The following DNM3 variants were observed in gnomAD, a reference collection of about 807,000 sequenced individuals.
DNM3 encodes dynamin-3.
In DNM3, 47 loss-of-function variants were observed where a neutral mutation model predicts 101.6. That is an observed-to-expected ratio of 0.46 (90% CI 0.37 to 0.59). The LOEUF is 0.59. Among genes scored for constraint, DNM3 ranks in the 20% least tolerant of loss-of-function variants. The pLI, the probability that DNM3 is intolerant of heterozygous loss-of-function variation, is 0.00. For synonymous variants in DNM3, 385 were observed against 387.9 expected, an observed-to-expected ratio of 0.99 and a Z score of 0.09; for missense variants, 849 against 1,085.7, an observed-to-expected ratio of 0.78 and a Z score of 3.06.
At chr1:172,396,507 GACTA>G (rs1204270767) in intron 20 of DNM3, among the ~76,000 whole-genome samples, 2 of 152,134 alleles carry the variant, frequency 1.3e-5, no homozygotes, top group Non-Finnish European at 2.9e-5. Flanking sequence ...AGGGCTAATG[GACTA>G]ACTAAGAGAG....
At chr1:171,871,161 G>A (rs1306793153) in intron 1 of DNM3, among the ~76,000 whole-genome samples, 3 of 152,088 alleles carry the variant, frequency 2.0e-5, no homozygotes, top group Admixed American at 6.5e-5. Flanking sequence ...ACATGTTGTC[G>A]AGAAATAAGT....
chr1:172,227,632 G>A lies in DNM3; in HGVS notation c.1660-25941G>A, dbSNP rs140988677. On this transcript the variant is annotated intron_variant, in intron 14 of 20. Transcript: ENST00000627582. Reference sequence around the variant, plus strand: ...TTTAATAATGGCCATTCTGGCTGGGGTAAGGTGGTATCTCATTGTGGTTTT... The same window carrying A: ...TTTAATAATGGCCATTCTGGCTGGGATAAGGTGGTATCTCATTGTGGTTTT... Among the ~76,000 whole-genome samples, 450 of 152,210 alleles carry A rather than the reference G, an allele frequency of 3.0e-3. 2 individuals carry two copies. Among genetic ancestry groups the A allele is most frequent in the African/African-American group, 0.01 (420 of 41,546 alleles).
chr1:172,037,597 G>A (rs2049063305), intron 6 of DNM3, among the ~76,000 whole-genome samples: 2 of 151,980 alleles, frequency 1.3e-5, no homozygotes. Context: ...AAACAATCTG[G>A]GTTTTTATCT....
At chr1:172,089,228 T>A (rs1005345441) in intron 12 of DNM3, among the ~76,000 whole-genome samples, 9 of 152,256 alleles carry the variant, frequency 5.9e-5, no homozygotes, top group African/African-American at 1.9e-4. Flanking sequence ...TGCATATCAT[T>A]ACTTGTACCA....
At chr1:172,272,243 GA>G (rs1273692579) in intron 15 of DNM3, among the ~76,000 whole-genome samples, 1 of 151,882 alleles carries the variant, frequency 6.6e-6, no homozygotes, top group Non-Finnish European at 1.5e-5. Context: ...TTAATCTCTA[GA>G]AAATATTCAC....
In DNM3 at chr1:171,942,998, G is replaced by A. The variant is rs577775256; in HGVS notation, c.235+21177G>A. Among the ~76,000 whole-genome samples, 200 of 152,242 alleles carry A rather than the reference G, an allele frequency of 1.3e-3. 2 individuals are homozygous for A. Among genetic ancestry groups the A allele is most frequent in the African/African-American group, 4.4e-3 (181 of 41,544 alleles). ...GAGGTGGCATGCATCTGTAGTCCCA[G>A]CTGCTCAGGAGGCTGAGGTCAGGGG... On this transcript the variant is annotated intron_variant, in intron 2 of 20. Transcript: ENST00000627582.
intron 1 of DNM3, among the ~76,000 whole-genome samples, chr1:171,863,290 A>T (rs1185475753): frequency 6.6e-6 from 1 of 152,038 alleles, no homozygotes; most frequent in Admixed American, 6.6e-5. Flanking sequence ...TATCCACTGT[A>T]ACTGAAAGGT....
chr1:172,379,506 G>A (rs1573666159), intron 18 of DNM3, among the ~76,000 whole-genome samples: 1 of 152,140 alleles, frequency 6.6e-6, no homozygotes. Context: ...AAAGAAACCA[G>A]ATGCCCTGGC....
intron 6 of DNM3, among the ~76,000 whole-genome samples, chr1:172,037,649 A>G (rs544467737): frequency 1.3e-3 from 194 of 152,246 alleles, no homozygotes; most frequent in Middle Eastern, 3.4e-3. Context: ...AGGTTCTTGG[A>G]AAAGTTTTCA....
chr1:172,041,556 T>C (rs1019348698), intron 7 of DNM3, among the ~76,000 whole-genome samples: 1 of 152,140 alleles, frequency 6.6e-6, no homozygotes, highest in African/African-American at 2.4e-5. Flanking sequence ...CTTGAAGCTA[T>C]GGCAACCTTG....
chr1:172,086,359 T>C (rs78795075), intron 12 of DNM3, among the ~76,000 whole-genome samples: 1,879 of 152,296 alleles, frequency 0.012, 34 homozygotes, highest in East Asian at 0.055. Flanking sequence ...GTTACACTCT[T>C]GGGACTCTTG....
intron 4 of DNM3, among the ~76,000 whole-genome samples, chr1:171,990,274 C>T (rs1025104753): frequency 2.9e-4 from 44 of 151,984 alleles, no homozygotes; most frequent in African/African-American, 6.5e-4. Context: ...GATCTTTTGC[C>T]GCTTGTTCGT....
At chr1:171,892,352 A>G (rs185459552) in intron 1 of DNM3, among the ~76,000 whole-genome samples, 55 of 152,284 alleles carry the variant, frequency 3.6e-4, no homozygotes, top group Admixed American at 7.2e-4. Context: ...AGGTGTACTC[A>G]TTGTTATTGG....
At chr1:171,846,903 T>C (rs1440396800) in intron 1 of DNM3, among the ~76,000 whole-genome samples, 1 of 152,240 alleles carries the variant, frequency 6.6e-6, no homozygotes, top group Non-Finnish European at 1.5e-5. Context: ...TAGATACTTT[T>C]CATACCTTCT....
chr1:172,241,104 G>A (rs1285811499), intron 14 of DNM3, among the ~76,000 whole-genome samples: 2 of 151,438 alleles, frequency 1.3e-5, no homozygotes, highest in African/African-American at 2.4e-5. Flanking sequence ...TTTTTTTTCT[G>A]TTCTACTATT....
At chr1:171,879,301 G>T (rs559973654) in intron 1 of DNM3, among the ~76,000 whole-genome samples, 16 of 152,268 alleles carry the variant, frequency 1.1e-4, no homozygotes, top group African/African-American at 3.9e-4. Flanking sequence ...AATGTATTGA[G>T]TAGCTATGTT....
intron 1 of DNM3, among the ~76,000 whole-genome samples, chr1:171,915,262 G>T (rs2039622127): frequency 6.6e-6 from 1 of 152,212 alleles, no homozygotes. Flanking sequence ...TCATGCTAAA[G>T]ATCCTGGGGA....
chr1:171,940,841 A>G (rs2041763625), intron 2 of DNM3, among the ~76,000 whole-genome samples: 1 of 152,108 alleles, frequency 6.6e-6, no homozygotes, highest in Non-Finnish European at 1.5e-5. Context: ...ACCAATATTT[A>G]TATTAGATAC....
chr1:171,868,817 T>G (rs1371943441), intron 1 of DNM3, among the ~76,000 whole-genome samples: 2 of 152,116 alleles, frequency 1.3e-5, no homozygotes, highest in African/African-American at 4.8e-5. Flanking sequence ...GGAGTCTCGC[T>G]TTGTCACCCA....
Sources: gnomAD v4.1 joint callset for allele counts (sites outside exome capture counted in the v4.1 genomes callset) on GRCh38, gnomAD v4.1.1 for gene constraint, MANE v1.5 for transcripts, NCBI Gene and HGNC (gene_info 2026-07-23, HGNC 2026-07-21) for gene names.